Variants in TOX2 observed in about 807,000 individuals in gnomAD.
The protein encoded by TOX2 is granulosa cell HMG box 1.
Under a neutral mutation model 47.4 loss-of-function variants are expected in TOX2, and 15 were observed. The ratio of observed to expected loss-of-function variants is 0.32; its 90% CI spans 0.21 to 0.49. The LOEUF (loss-of-function observed/expected upper bound fraction) is 0.49, where lower values mean the gene tolerates loss of function less well. Ranked by LOEUF, TOX2 falls within the 20% of genes least tolerant of loss-of-function variation. The pLI is 0.99. For synonymous variants in TOX2, 290 were observed against 296.6 expected (o/e 0.98, Z 0.23); for missense variants, 622 against 673.1 (o/e 0.92, Z 0.84).
chr20:43,988,675 G>T (rs1197855930), intron 2 of TOX2, among the ~76,000 whole-genome samples: 1 of 152,218 alleles, frequency 6.6e-6, no homozygotes, highest in Non-Finnish European at 1.5e-5. Flanking sequence ...TAGGAGTGGA[G>T]TTGGTATCTG....
At chr20:43,983,467 C>G (rs1347144760) in intron 2 of TOX2, among the ~76,000 whole-genome samples, 1 of 152,116 alleles carries the variant, frequency 6.6e-6, no homozygotes, top group Non-Finnish European at 1.5e-5. Flanking sequence ...TGTTCAGCTT[C>G]TAGAGGAGAA....
At chr20:44,019,539 G>C (rs1179440496) in intron 3 of TOX2, among the ~76,000 whole-genome samples, 1 of 152,234 alleles carries the variant, frequency 6.6e-6, no homozygotes, top group Non-Finnish European at 1.5e-5. Context: ...ACAGGGTTAG[G>C]AGGGCAAAAG....
intron 2 of TOX2, among the ~76,000 whole-genome samples, chr20:43,997,890 C>T (rs538107551): frequency 1.3e-5 from 2 of 152,190 alleles, no homozygotes; most frequent in South Asian, 4.2e-4. Context: ...GAGGATTTCC[C>T]TCCCTCCATT....
At chr20:43,954,425 C>G (rs1424608553) in intron 1 of TOX2, among the ~76,000 whole-genome samples, 1 of 152,172 alleles carries the variant, frequency 6.6e-6, no homozygotes, top group Non-Finnish European at 1.5e-5. Flanking sequence ...TTGCCTGCCT[C>G]CTGCAGTGGA....
chr20:44,063,055 A>G lies in TOX2; in HGVS notation c.880-1722A>G, dbSNP rs148141239. ...AAAAATTCTAGAAGATAACACTGGA[A>G]AAACCCTTCCACAGACATTGGCTTA... On this transcript the variant is annotated intron_variant, in intron 5 of 8. Transcript: ENST00000341197. 2.5e-3 allele frequency among the ~76,000 whole-genome samples: 379 copies of G among 152,316 alleles called. 1 individual carries two copies. Among genetic ancestry groups the G allele is most frequent in the African/African-American group, 7.6e-3 (317 of 41,578 alleles).
intron 5 of TOX2, among the ~76,000 whole-genome samples, chr20:44,061,024 G>A (rs2071708695): frequency 6.6e-6 from 1 of 152,126 alleles, no homozygotes; most frequent in Admixed American, 6.5e-5. Context: ...AAGAAAAGAA[G>A]AGAGAAGATC....
At chr20:43,919,659 C>T (rs549946311) in intron 1 of TOX2, among the ~76,000 whole-genome samples, 1 of 152,264 alleles carries the variant, frequency 6.6e-6, no homozygotes, top group South Asian at 2.1e-4. Flanking sequence ...TATCCTGATG[C>T]TCTCACTCCC....
Position 43,937,995 on chromosome 20 carries a change from G to A in TOX2, c.99+23005G>A, listed in dbSNP as rs185758619. Among the ~76,000 whole-genome samples the A allele has an allele frequency of 9.9e-5, 15 of 152,258 alleles. No homozygotes were observed. In the East Asian group the frequency reaches 2.1e-3, roughly 22 times the overall value. ...AGTAGCTGCCCAGTCCTGAGCCTCC[G>A]TTTTCTCACCTGGAAATAGGGCCAG... On this transcript the variant is annotated intron_variant, in intron 1 of 8. Coordinates refer to ENST00000341197, the MANE Select transcript of TOX2 (RefSeq NM_001098797.2).
At chr20:43,991,910 C>T (rs556407302) in intron 2 of TOX2, among the ~76,000 whole-genome samples, 1 of 152,218 alleles carries the variant, frequency 6.6e-6, no homozygotes, top group African/African-American at 2.4e-5. Context: ...GCTAGGATTA[C>T]AGACGTGAGC....
rs546345931 is a variant in TOX2 at position 43,967,334 on chromosome 20, T to C, written c.100-6033T>C. On this transcript the variant is annotated intron_variant, in intron 1 of 8. Coordinates refer to ENST00000341197, the MANE Select transcript of TOX2 (RefSeq NM_001098797.2). ...GGTAATTTGGCTAAAGATGAGGATT[T>C]GAGAATTGGTGATGTTGCAACCGTG... Among the ~76,000 whole-genome samples the C allele has an allele frequency of 1.1e-4, 16 of 152,284 alleles. No homozygotes were observed. The East Asian group carries it at 1.5e-3, about 15-fold the overall frequency.
chr20:43,920,584 C>A (rs1036676177), intron 1 of TOX2, among the ~76,000 whole-genome samples: 5 of 152,298 alleles, frequency 3.3e-5, no homozygotes, highest in South Asian at 2.1e-4. Context: ...TATAGCTCCT[C>A]CCCCAACCTG....
intron 5 of TOX2, among the ~76,000 whole-genome samples, chr20:44,061,270 G>GA (rs1387171194): frequency 2.6e-5 from 4 of 152,070 alleles, no homozygotes; most frequent in African/African-American, 4.8e-5. Context: ...GGACCAGATA[G>GA]ATTCAGAGCT....
At chr20:43,948,684 C>T (rs2069510093) in intron 1 of TOX2, among the ~76,000 whole-genome samples, 1 of 152,230 alleles carries the variant, frequency 6.6e-6, no homozygotes, top group Non-Finnish European at 1.5e-5. Context: ...CAGGAGCTGC[C>T]ATCTCCGTCT....
At chr20:43,969,985 G>A (rs760780541) in intron 1 of TOX2, among the ~76,000 whole-genome samples, 3 of 152,184 alleles carry the variant, frequency 2.0e-5, no homozygotes, top group Non-Finnish European at 4.4e-5. Flanking sequence ...TACATCTCCA[G>A]TACCATTCCC....
At chr20:43,974,125 G>A (rs1421486285) in intron 2 of TOX2, among the ~76,000 whole-genome samples, 3 of 152,162 alleles carry the variant, frequency 2.0e-5, no homozygotes, top group Non-Finnish European at 4.4e-5. Flanking sequence ...AGGGTCCAGG[G>A]AGGGTCTCCC....
Position 44,002,281 on chromosome 20 carries a change from T to G in TOX2, c.166-4266T>G, listed in dbSNP as rs367674040. Among the ~76,000 whole-genome samples, 32 of 152,248 alleles carry G rather than the reference T, an allele frequency of 2.1e-4. No homozygotes were observed. The East Asian group carries it at 2.5e-3, about 12-fold the overall frequency. ...AATATTCATGACCACCTGCAACCATTTTGACTCTACTTACCTTTTGCTTGT... is the reference window on the plus strand; with the variant it reads ...AATATTCATGACCACCTGCAACCATGTTGACTCTACTTACCTTTTGCTTGT... On this transcript the variant is annotated intron_variant, in intron 2 of 8. Coordinates refer to ENST00000341197, the MANE Select transcript of TOX2 (RefSeq NM_001098797.2).
chr20:43,986,846 G>A (rs574965778), intron 2 of TOX2, among the ~76,000 whole-genome samples: 13 of 152,032 alleles, frequency 8.6e-5, no homozygotes, highest in Admixed American at 1.3e-4. Flanking sequence ...TGGGAGGATC[G>A]CTTGAGCCCA....
intron 3 of TOX2, among the ~76,000 whole-genome samples, chr20:44,008,721 C>T (rs1182086368): frequency 6.6e-6 from 1 of 151,706 alleles, no homozygotes; most frequent in African/African-American, 2.4e-5. Context: ...CTTTTTTTCC[C>T]TTCACATTTA....
chr20:43,962,168 G>A (rs1394107977), intron 1 of TOX2, among the ~76,000 whole-genome samples: 3 of 152,240 alleles, frequency 2.0e-5, no homozygotes, highest in South Asian at 4.1e-4. Context: ...TAATGCAGAC[G>A]GTGTGTGAGC....
Sources: allele counts gnomAD v4.1 joint callset (sites outside exome capture counted in the v4.1 genomes callset), GRCh38; gene constraint gnomAD v4.1.1; transcripts MANE v1.5; gene names NCBI Gene and HGNC (gene_info 2026-07-23, HGNC 2026-07-21).